The following LRRK2 variants were observed in gnomAD, a reference collection of about 807,000 sequenced individuals.
LRRK2 encodes leucine-rich repeat serine/threonine-protein kinase 2.
LRRK2 carries 203 observed loss-of-function variants against 302.6 expected under a neutral mutation model. That is an observed-to-expected ratio of 0.67 (90% CI 0.60 to 0.75). The LOEUF is 0.75. Among genes scored for constraint, LRRK2 ranks in the 30% least tolerant of loss-of-function variants. The pLI is 0.00. For synonymous variants in LRRK2, 1,066 were observed against 1,031.9 expected, an observed-to-expected ratio of 1.03 and a Z score of -0.63; for missense variants, 2,830 against 2,951.0, an observed-to-expected ratio of 0.96 and a Z score of 0.95.
intron 39 of LRRK2, among the ~76,000 whole-genome samples, chr12:40,332,754 G>T (rs939836193): frequency 6.6e-6 from 1 of 152,004 alleles, no homozygotes; most frequent in Admixed American, 6.6e-5. Context: ...CTTTTAATGT[G>T]TAGGTAATTT....
At chr12:40,279,485 T>C (rs1943597300) in intron 18 of LRRK2, among the ~76,000 whole-genome samples, 1 of 152,184 alleles carries the variant, frequency 6.6e-6, no homozygotes, top group South Asian at 2.1e-4. Flanking sequence ...GATAATTAAA[T>C]TTTTCCATCA....
At position 40,295,585 on chromosome 12, in the gene LRRK2, C is replaced by G. The variant is rs774814350; in HGVS notation, c.3037C>G (p.Leu1013Val). 1 of 1,613,910 alleles carries G rather than the reference C, an allele frequency of 6.2e-7. No individual in the cohort carries two copies. Among genetic ancestry groups the G allele is most frequent in the African/African-American group, 1.3e-5 (1 of 74,914 alleles). ...KCCISVHLEH[L>V]EKLELHQNAL... ...CTGTATAAGTGTTCATTTGGAGCAT[C>G]TTGAAAAGCTGGAGCTTCACCAGAA... Residue 1013 changes from leucine (L) to valine (V), a missense_variant, in exon 23 of 51, where the codon CTT becomes GTT. This residue lies in a region of LRRK2 where 2,121 missense variants were observed against 2,148.0 expected (regional missense o/e 0.99). Coordinates refer to ENST00000298910, the MANE Select transcript of LRRK2 (RefSeq NM_198578.4).
intron 41 of LRRK2, among the ~76,000 whole-genome samples, chr12:40,343,036 AC>A (rs1946095716): frequency 6.6e-6 from 1 of 152,202 alleles, no homozygotes; most frequent in African/African-American, 2.4e-5. Context: ...ATATAAAAAA[AC>A]ATTTACAAGG....
rs537820328 is a variant in LRRK2 at position 40,305,428 on chromosome 12, GA to G, written c.3778-355del. Reference sequence around the variant, plus strand: ...GTGACTAGGTCTTCTTGCCTTTACTGAAGGAGCAGAATGAAGTCACAGATAA... The same window carrying G: ...GTGACTAGGTCTTCTTGCCTTTACTGAGGAGCAGAATGAAGTCACAGATAA... On this transcript the variant is annotated intron_variant, in intron 27 of 50. Transcript: ENST00000298910. 2.0e-3 allele frequency among the ~76,000 whole-genome samples: 299 copies of G among 152,210 alleles called. No individual in the cohort carries two copies. Among genetic ancestry groups the G allele is most frequent in the South Asian group, 6.0e-3 (29 of 4,826 alleles).
At chr12:40,250,631 G>T (rs144326430) in intron 8 of LRRK2, among the ~76,000 whole-genome samples, 1,848 of 152,276 alleles carry the variant, frequency 0.012, 17 homozygotes, top group Middle Eastern at 0.041. Context: ...GCATGCATTA[G>T]CTATTTTTCC....
intron 39 of LRRK2, among the ~76,000 whole-genome samples, 174 bp downstream of exon 39, chr12:40,328,634 C>T (rs986905834): frequency 3.3e-5 from 5 of 152,118 alleles, no homozygotes; most frequent in African/African-American, 1.2e-4. Context: ...TGTTATTTCT[C>T]CTGTTGAGAA....
intron 6 of LRRK2, among the ~76,000 whole-genome samples, chr12:40,240,989 G>A (rs1941694667): frequency 6.6e-6 from 1 of 152,218 alleles, no homozygotes; most frequent in African/African-American, 2.4e-5. Context: ...GATTTAATAA[G>A]TGGAGCTTCC....
intron 30 of LRRK2, among the ~76,000 whole-genome samples, chr12:40,309,542 T>C (rs1014907507): frequency 2.6e-5 from 4 of 152,120 alleles, no homozygotes; most frequent in East Asian, 1.9e-4. Context: ...TCTAAATTTT[T>C]CTAATTTAAA....
In LRRK2 at chr12:40,225,197, G is replaced by A. The variant is rs151283507; in HGVS notation, c.66G>A (p.Arg22=). The A allele has an allele frequency of 1.4e-5, 23 of 1,614,200 alleles. No individual in the cohort carries two copies. The African/African-American group carries it at 2.5e-4, about 18-fold the overall frequency. The change falls in exon 1 of 51, where the codon AGG becomes AGA. Residue 22 remains arginine, a synonymous_variant. Coordinates refer to ENST00000298910, the MANE Select transcript of LRRK2 (RefSeq NM_198578.4). The stretch of plus-strand genomic sequence containing the variant: ...AAACTCTGAAGAAGTTGATAGTCAG[G>A]CTGAACAATGTCCAGGAAGGAAAAC... ...DEETLKKLIV[R]LNNVQEGKQI... is the part of the protein sequence containing the mutation.
At chr12:40,243,748 T>A (rs1592150442) in intron 7 of LRRK2, 67 bp downstream of exon 7, 1 of 1,433,054 alleles carries the variant, frequency 7.0e-7, no homozygotes, top group East Asian at 2.3e-5. Flanking sequence ...AACATATATA[T>A]GTTGCATAAT....
chr12:40,254,521 G>A (rs575553823), intron 11 of LRRK2, among the ~76,000 whole-genome samples: 1 of 152,230 alleles, frequency 6.6e-6, no homozygotes, highest in South Asian at 2.1e-4. Flanking sequence ...AAAGAGGTCT[G>A]GACAGGGATT....
At chr12:40,245,814 C>T (rs1941954211) in intron 7 of LRRK2, among the ~76,000 whole-genome samples, 1 of 151,840 alleles carries the variant, frequency 6.6e-6, no homozygotes, top group African/African-American at 2.4e-5. Context: ...ACTAACCTAC[C>T]TTTCTAAACT....
chr12:40,367,913 T>TTA lies in LRRK2; in HGVS notation c.*148_*149insTA. ...AATGTTATTATTTTTAATTTAAATA[T>TTA]ATGTAAAAATACTTACCAGTAAATG... On this transcript the variant is annotated 3_prime_UTR_variant, in exon 51 of 51. Transcript: ENST00000298910. 1 of 585,584 alleles carries TTA rather than the reference T, an allele frequency of 1.7e-6. No individual in the cohort carries two copies. The allele number at this position is 585,584 out of a possible 1,614,324, so 36.3% of individuals were successfully genotyped here. A position where few individuals can be genotyped will look rare whatever the true frequency, so the allele number is the denominator to read the frequency against.
chr12:40,332,215 T>A (rs1385865974), intron 39 of LRRK2, among the ~76,000 whole-genome samples: 1 of 152,086 alleles, frequency 6.6e-6, no homozygotes, highest in Non-Finnish European at 1.5e-5. Flanking sequence ...GAGAGGCTGA[T>A]GTTGGGGTCA....
rs1467278264 is a variant in LRRK2, at chr12:40,277,939, C to T, written c.1993C>T (p.Leu665=). Residue 665 remains leucine, a synonymous_variant, in exon 17 of 51, where the codon CTG becomes TTG. Coordinates refer to ENST00000298910, the MANE Select transcript of LRRK2 (RefSeq NM_198578.4). ...CAAATTGTCAGCATCTTTTTCTAAG[C>T]TGCTGGTGCATCATTCATTTGACTT... ...ILKLSASFSK[L]LVHHSFDLVI... is the part of the protein sequence containing the mutation. 1.9e-6 allele frequency: 3 copies of T among 1,612,436 alleles called. No individual in the cohort carries two copies. Among genetic ancestry groups the T allele is most frequent in the African/African-American group, 1.3e-5 (1 of 74,990 alleles).
At chr12:40,225,702 G>A in intron 2 of LRRK2, 62 bp downstream of exon 2, 1 of 1,431,490 alleles carries the variant, frequency 7.0e-7, no homozygotes, top group South Asian at 1.2e-5. Context: ...ACGTTTTACT[G>A]GCAATGTTAA....
chr12:40,302,798 C>T lies in LRRK2; in HGVS notation c.3506C>T (p.Pro1169Leu). ...ATTTTTTTTCTTTTAGCTGCTATGC[C>T]TTTCTTGCCTCCTTCTATGACAATC... The part of the protein sequence containing the change: ...SARMNFLAAM[P>L]FLPPSMTILK... Residue 1169 changes from proline (P) to leucine (L), a missense_variant, in exon 26 of 51, where the codon CCT (proline) becomes CTT (leucine). Coordinates refer to ENST00000298910, the MANE Select transcript of LRRK2 (RefSeq NM_198578.4). 3 of 1,607,836 alleles carry T rather than the reference C, an allele frequency of 1.9e-6. No homozygotes were observed. The highest frequency in any genetic ancestry group is 2.2e-5 in the East Asian group (1 of 44,648).
intron 32 of LRRK2, 47 bp downstream of exon 32, chr12:40,314,220 T>C (rs1286346447): frequency 6.5e-7 from 1 of 1,543,626 alleles, no homozygotes; most frequent in East Asian, 2.3e-5. Flanking sequence ...TGTAGTAACT[T>C]ATAAAAGTGT....
chr12:40,289,596 T>C (rs2136685529), intron 20 of LRRK2, among the ~76,000 whole-genome samples: 1 of 150,170 alleles, frequency 6.7e-6, no homozygotes, highest in East Asian at 1.9e-4. Flanking sequence ...GGAACTAATA[T>C]ATTAATAATG....
Sources: gnomAD v4.1 joint callset for allele counts (sites outside exome capture counted in the v4.1 genomes callset) on GRCh38, gnomAD v4.1.1 for gene constraint, gnomAD v4.1.1 regional missense constraint, MANE v1.5 for transcripts, NCBI Gene and HGNC (gene_info 2026-07-23, HGNC 2026-07-21) for gene names.